GSDME: variants seen among roughly 807,000 people sequenced by gnomAD.
The protein encoded by GSDME is gasdermin E, also known as gasdermin-E.
A neutral mutation model predicts 47.5 loss-of-function variants in GSDME; 44 were observed. The ratio of observed to expected loss-of-function variants is 0.93; its 90% CI spans 0.73 to 1.19. GSDME has a LOEUF of 1.19. GSDME is among the 50% of genes most tolerant of loss of function. GSDME has a pLI of 0.00. For synonymous variants in GSDME, 258 were observed against 252.8 expected (o/e 1.02, Z -0.20); for missense variants, 663 against 604.2 (o/e 1.10, Z -1.02).
chr7:24,727,517 T>C (rs1251594951), intron 3 of GSDME, among the ~76,000 whole-genome samples: 1 of 152,246 alleles, frequency 6.6e-6, no homozygotes, highest in Non-Finnish European at 1.5e-5. Flanking sequence ...ATAAAGGCTT[T>C]AGTAAATCCA....
At chr7:24,755,900 C>T (rs1584114724) in intron 1 of GSDME, among the ~76,000 whole-genome samples, 1 of 152,298 alleles carries the variant, frequency 6.6e-6, no homozygotes, top group Middle Eastern at 3.4e-3. Context: ...CTGTACTTGT[C>T]TACTTGTCTC....
intron 3 of GSDME, among the ~76,000 whole-genome samples, chr7:24,722,548 G>A (rs1789828584): frequency 2.0e-5 from 3 of 152,210 alleles, no homozygotes; most frequent in Admixed American, 6.5e-5. Context: ...CCAGCTAGAC[G>A]CACGTCAGAC....
At chr7:24,710,463 C>A in intron 5 of GSDME, 75 bp from the exon 6 acceptor site, 1 of 1,464,872 alleles carries the variant, frequency 6.8e-7, no homozygotes, top group Non-Finnish European at 9.6e-7. Context: ...ACAGGGTCAG[C>A]CCAGCCTTGA....
At chr7:24,703,285 T>G in intron 8 of GSDME, 1 of 301,340 alleles carries the variant, frequency 3.3e-6, no homozygotes. Context: ...CTGTGTAAAC[T>G]ATAAAGGGCT....
chr7:24,749,406 G>A (rs1790780081), intron 2 of GSDME, among the ~76,000 whole-genome samples, 158 bp downstream of exon 2: 1 of 151,374 alleles, frequency 6.6e-6, no homozygotes, highest in Admixed American at 6.6e-5. Context: ...GGGGGCTGAG[G>A]CAGGAGAATC....
chr7:24,761,216 A>G, upstream of GSDME, among the ~76,000 whole-genome samples: 1 of 152,308 alleles, frequency 6.6e-6, no homozygotes, highest in East Asian at 1.9e-4. The surrounding 1 kb of genome is among the most constrained non-coding windows in gnomAD (Gnocchi z 4.4). Flanking sequence ...GTGAAGGTGA[A>G]TGGCCTGGTT....
Position 24,757,223 on chromosome 7 carries a change from G to C in GSDME, c.-20+173C>G, listed in dbSNP as rs1028850333. Among the ~76,000 whole-genome samples, 1 of 152,064 alleles carries C rather than the reference G, an allele frequency of 6.6e-6. No homozygotes were observed. The highest frequency in any genetic ancestry group is 1.9e-4 in the East Asian group (1 of 5,156). ...AGCGACGGGACCTGCCGTTCCGGCG[G>C]CCGGGCAGCCAATCGATTCGTCTCC... On this transcript the variant is annotated intron_variant, in intron 1 of 9. Transcript: ENST00000645220. The surrounding 1 kb of genome is among the most constrained non-coding windows in gnomAD (Gnocchi z 5.9).
chr7:24,765,573 C>G, the GSDME span, among the ~76,000 whole-genome samples: 1 of 152,208 alleles, frequency 6.6e-6, no homozygotes, highest in South Asian at 2.1e-4. Context: ...CGTCACTCCC[C>G]TTTTCTGTAC....
In GSDME at chr7:24,754,015, AGCACAGTCAT is replaced by A. The variant is rs1374104134; in HGVS notation, c.-20+3371_-20+3380del. Among the ~76,000 whole-genome samples the A allele has an allele frequency of 1.3e-5, 2 of 152,350 alleles. No individual in the cohort carries two copies. Among genetic ancestry groups the A allele is most frequent in the East Asian group, 3.9e-4 (2 of 5,190 alleles). ...GAACTCAAGTTGCCCGACACAGACAAGCACAGTCATGTCTCAGCCAAAAGTCAGACTCTGG... is the reference window on the plus strand; with the variant it reads ...GAACTCAAGTTGCCCGACACAGACAAGTCTCAGCCAAAAGTCAGACTCTGG... On this transcript the variant is annotated intron_variant, in intron 1 of 9. Coordinates refer to ENST00000645220, the MANE Select transcript of GSDME (RefSeq NM_001127453.2). The surrounding 1 kb of genome is among the most constrained non-coding windows in gnomAD (Gnocchi z 5.0).
intron 9 of GSDME, 80 bp downstream of exon 9, chr7:24,702,680 T>C (rs1788918249): frequency 4.9e-6 from 6 of 1,223,874 alleles, no homozygotes; most frequent in South Asian, 1.2e-5. Flanking sequence ...TAGAGGTGTT[T>C]TACCGGCTGC....
intron 2 of GSDME, 71 bp downstream of exon 2, chr7:24,749,491 CTG>C: frequency 4.0e-6 from 5 of 1,255,762 alleles, no homozygotes; most frequent in Non-Finnish European, 4.5e-6. Context: ...GACAGAGACT[CTG>C]TGTCAAAAAA....
At chr7:24,750,967 A>C (rs1188776271) in intron 1 of GSDME, among the ~76,000 whole-genome samples, 3 of 152,228 alleles carry the variant, frequency 2.0e-5, no homozygotes, top group Non-Finnish European at 4.4e-5. Flanking sequence ...AAATAAAGCA[A>C]ATTCCCAATG....
chr7:24,713,863 G>A (rs1308407766), intron 5 of GSDME, among the ~76,000 whole-genome samples: 3 of 152,176 alleles, frequency 2.0e-5, no homozygotes, highest in African/African-American at 7.2e-5. Context: ...AGGCCAAGGT[G>A]GGAGGACTGC....
the GSDME span, among the ~76,000 whole-genome samples, chr7:24,769,024 A>T: frequency 6.6e-6 from 1 of 152,242 alleles, no homozygotes; most frequent in Non-Finnish European, 1.5e-5. Flanking sequence ...TGGGCAAAAA[A>T]TATACTTCTT....
In GSDME at chr7:24,710,218, C is replaced by G; in HGVS notation, c.862+6G>C. 6.2e-7 allele frequency: 1 copy of G among 1,613,424 alleles called. No homozygotes were observed. Among genetic ancestry groups the G allele is most frequent in the Non-Finnish European group, 8.5e-7 (1 of 1,180,010 alleles). On this transcript the variant is annotated splice_donor_region_variant and intron_variant, in intron 6 of 9. Transcript: ENST00000645220. ...CTGCCCACTACTCCTGCCCTGCTGGCAATACCTTGCTTTAAAACACTTAAT... is the reference window on the plus strand; with the variant it reads ...CTGCCCACTACTCCTGCCCTGCTGGGAATACCTTGCTTTAAAACACTTAAT...
Position 24,749,552 on chromosome 7 carries a change from A to G in GSDME, c.211+12T>C. On this transcript the variant is annotated intron_variant, in intron 2 of 9. Transcript: ENST00000645220. ...CCGAGACTAATTATAGAATATACCC[A>G]AGGAAACATACCTGGACTCGGAAAT... 4.4e-6 allele frequency: 7 copies of G among 1,597,670 alleles called. No individual in the cohort carries two copies. The highest frequency in any genetic ancestry group is 6.0e-6 in the Non-Finnish European group (7 of 1,166,606).
the GSDME span, among the ~76,000 whole-genome samples, chr7:24,779,065 A>G: frequency 5.4e-3 from 816 of 152,286 alleles, 3 homozygotes; most frequent in Non-Finnish European, 8.4e-3. This position sits in a 1 kb window ranked among gnomAD's most constrained non-coding sequence, Gnocchi z 6.0. Flanking sequence ...CCATGACCCA[A>G]GTGCAGCCAA....
At chr7:24,706,111 C>A in intron 8 of GSDME, 73 bp downstream of exon 8, 1 of 1,559,614 alleles carries the variant, frequency 6.4e-7, no homozygotes, top group South Asian at 1.1e-5. Flanking sequence ...CTCTGTGTCC[C>A]CAGAAGCATA....
chr7:24,750,961 A>G (rs1460514514), intron 1 of GSDME, among the ~76,000 whole-genome samples: 1 of 152,248 alleles, frequency 6.6e-6, no homozygotes, highest in African/African-American at 2.4e-5. Flanking sequence ...TACCATAAAT[A>G]AAGCAAATTC....
Sources: allele counts gnomAD v4.1 joint callset (sites outside exome capture counted in the v4.1 genomes callset), GRCh38; gene constraint gnomAD v4.1.1; non-coding constraint Gnocchi (gnomAD v3.1); transcripts MANE v1.5; gene names NCBI Gene and HGNC (gene_info 2026-07-23, HGNC 2026-07-21).